Variants in SULF2 observed in about 807,000 individuals in gnomAD.
The protein encoded by SULF2 is extracellular sulfatase Sulf-2.
SULF2 carries 52 observed loss-of-function variants against 107.7 expected under a neutral mutation model. The ratio of observed to expected loss-of-function variants is 0.48; its 90% CI spans 0.39 to 0.61. SULF2 has a LOEUF of 0.61. SULF2 is among the 20% of genes least tolerant of loss of function. The probability of loss-of-function intolerance (pLI) is 0.00; values close to 1 mark genes in which losing one functional copy is unlikely to be tolerated. For synonymous variants in SULF2, 460 were observed against 464.3 expected, an observed-to-expected ratio of 0.99 and a Z score of 0.12; for missense variants, 993 against 1,177.3, an observed-to-expected ratio of 0.84 and a Z score of 2.29.
chr20:47,776,835 T>TC (rs2090734368), intron 1 of SULF2, among the ~76,000 whole-genome samples: 1 of 152,080 alleles, frequency 6.6e-6, no homozygotes, highest in Non-Finnish European at 1.5e-5. Flanking sequence ...ATGAAACCAA[T>TC]CCTCCCAGCC....
Position 47,680,878 on chromosome 20 carries a change from A to G in SULF2, c.1065-2074T>C, listed in dbSNP as rs374433518. Among the ~76,000 whole-genome samples the G allele has an allele frequency of 8.5e-5, 13 of 152,312 alleles. No individual in the cohort carries two copies. In the East Asian group the frequency reaches 1.9e-3, roughly 23 times the overall value. On this transcript the variant is annotated intron_variant, in intron 7 of 20. Transcript: ENST00000688720. This position sits in a 1 kb window ranked among gnomAD's most constrained non-coding sequence, Gnocchi z 4.2. ...GCACCAATGCCTTGCTCTGTGTCAC[A>G]GCTTCTAATTCTGTAGGAACTACCT...
chr20:47,703,965 A>T (rs12479635), intron 3 of SULF2, among the ~76,000 whole-genome samples: 20,891 of 152,102 alleles, frequency 0.14, 1,528 homozygotes, highest in Admixed American at 0.18. Context: ...AGGCCAAACT[A>T]ATCTATGATG....
intron 10 of SULF2, among the ~76,000 whole-genome samples, chr20:47,674,003 T>C (rs1232645925): frequency 6.6e-6 from 1 of 152,242 alleles, no homozygotes; most frequent in Non-Finnish European, 1.5e-5. Context: ...GGGCACGACT[T>C]GAGGGGTCGG....
chr20:47,765,574 A>G (rs539033057), intron 1 of SULF2, among the ~76,000 whole-genome samples: 1 of 152,286 alleles, frequency 6.6e-6, no homozygotes, highest in East Asian at 1.9e-4. Flanking sequence ...GGGCCTCCTC[A>G]GGTGGTCCAG....
intron 7 of SULF2, among the ~76,000 whole-genome samples, chr20:47,682,027 G>C (rs2087838867): frequency 6.6e-6 from 1 of 152,170 alleles, no homozygotes. Flanking sequence ...GCCCTGAAGA[G>C]TAGACACTCC....
rs1209544006 is a variant in SULF2 at position 47,694,947 on chromosome 20, A to G, written c.568-4652T>C. 6.6e-6 allele frequency among the ~76,000 whole-genome samples: 1 copy of G among 152,202 alleles called. No individual in the cohort carries two copies. Among genetic ancestry groups the G allele is most frequent in the Admixed American group, 6.5e-5 (1 of 15,272 alleles). ...AGGAAGTGAGGTCCCCAAACAAATA[A>G]GCCATGCATCCAGAGCTGGAGCCAA... On this transcript the variant is annotated intron_variant, in intron 4 of 20. Coordinates refer to ENST00000688720, the MANE Select transcript of SULF2 (RefSeq NM_001387048.1). The surrounding 1 kb of genome is among the most constrained non-coding windows in gnomAD (Gnocchi z 4.4).
chr20:47,662,944 C>G, intron 17 of SULF2, 126 bp downstream of exon 17: 1 of 1,082,522 alleles, frequency 9.2e-7, no homozygotes, highest in South Asian at 1.5e-5. Context: ...ACAACTTACT[C>G]CCACCGGCTC....
intron 11 of SULF2, among the ~76,000 whole-genome samples, chr20:47,667,392 G>A (rs8184833): frequency 6.6e-6 from 1 of 152,224 alleles, no homozygotes; most frequent in Non-Finnish European, 1.5e-5. Flanking sequence ...CAGGGGTGCA[G>A]GCTGAAGTGA....
chr20:47,724,912 T>G (rs989083129), intron 3 of SULF2, among the ~76,000 whole-genome samples: 9 of 152,246 alleles, frequency 5.9e-5, no homozygotes, highest in African/African-American at 2.2e-4. Flanking sequence ...AGGAAATTTA[T>G]AGGTAACAAA....
chr20:47,722,046 G>A (rs1433893490), intron 3 of SULF2, among the ~76,000 whole-genome samples: 2 of 152,136 alleles, frequency 1.3e-5, no homozygotes, highest in African/African-American at 4.8e-5. Flanking sequence ...ATCACAAAGA[G>A]GGAACCTTCC....
chr20:47,670,448 TC>T (rs1555826828), intron 11 of SULF2, among the ~76,000 whole-genome samples: 1 of 151,256 alleles, frequency 6.6e-6, no homozygotes, highest in Non-Finnish European at 1.5e-5. Context: ...TGCCTTGGCC[TC>T]CCGAAATGCT....
chr20:47,702,388 A>G (rs1056478296), intron 4 of SULF2, 131 bp downstream of exon 4: 3 of 1,004,890 alleles, frequency 3.0e-6, no homozygotes, highest in African/African-American at 3.2e-5. Context: ...GAGGAGGTGT[A>G]TGTAAAATGC....
At chr20:47,723,900 C>A (rs1367783699) in intron 3 of SULF2, among the ~76,000 whole-genome samples, 1 of 152,202 alleles carries the variant, frequency 6.6e-6, no homozygotes, top group Non-Finnish European at 1.5e-5. Flanking sequence ...ATCCCTCACC[C>A]CCAGTCCGTG....
At chr20:47,697,037 T>C (rs6012246) in intron 4 of SULF2, among the ~76,000 whole-genome samples, 30,242 of 152,050 alleles carry the variant, frequency 0.2, 3,157 homozygotes, top group East Asian at 0.36. Flanking sequence ...ATGAAGTTCA[T>C]AGAATCTGCC....
At chr20:47,779,843 G>A (rs1045872479) in intron 1 of SULF2, among the ~76,000 whole-genome samples, 3 of 152,064 alleles carry the variant, frequency 2.0e-5, no homozygotes, top group Admixed American at 6.5e-5. Flanking sequence ...CTGACCTCAG[G>A]TGATCCACCC....
Position 47,760,923 on chromosome 20 carries a change from G to A in SULF2, c.-100-3460C>T, listed in dbSNP as rs141872215. Among the ~76,000 whole-genome samples, 494 of 152,330 alleles carry A rather than the reference G, an allele frequency of 3.2e-3. 4 individuals carry two copies. Among genetic ancestry groups the A allele is most frequent in the African/African-American group, 0.01 (427 of 41,568 alleles). On this transcript the variant is annotated intron_variant, in intron 1 of 20. Coordinates refer to ENST00000688720, the MANE Select transcript of SULF2 (RefSeq NM_001387048.1). ...CTGCTGGGCACCTGCTTTATGCCAC[G>A]TGGTGTGATGGTTAAGGATGTGGAC...
At chr20:47,760,016 T>C (rs1158827508) in intron 1 of SULF2, among the ~76,000 whole-genome samples, 1 of 152,166 alleles carries the variant, frequency 6.6e-6, no homozygotes, top group Non-Finnish European at 1.5e-5. Flanking sequence ...TCTGCTAAGG[T>C]CCTTTGAGTT....
chr20:47,686,632 A>G (rs766384700), intron 5 of SULF2, among the ~76,000 whole-genome samples: 1 of 152,190 alleles, frequency 6.6e-6, no homozygotes. Context: ...GGGCACAGAC[A>G]TGTCTCCCTC....
At chr20:47,768,589 G>T (rs1261692074) in intron 1 of SULF2, among the ~76,000 whole-genome samples, 25 of 152,232 alleles carry the variant, frequency 1.6e-4, no homozygotes, top group Admixed American at 1.6e-3. Flanking sequence ...GGCCTCCTTG[G>T]CCTGTGCCCA....
Sources: gnomAD v4.1 joint callset for allele counts (sites outside exome capture counted in the v4.1 genomes callset) on GRCh38, gnomAD v4.1.1 for gene constraint, Gnocchi (gnomAD v3.1) non-coding constraint, MANE v1.5 for transcripts, NCBI Gene and HGNC (gene_info 2026-07-23, HGNC 2026-07-21) for gene names.